GRK5: variants seen among roughly 807,000 people sequenced by gnomAD.
The protein encoded by GRK5 is G protein-coupled receptor kinase 5.
In GRK5, 40 loss-of-function variants were observed where a neutral mutation model predicts 78.4. The observed-to-expected ratio is 0.51, with a 90% CI of 0.40 to 0.66. The LOEUF is 0.66. Among genes scored for constraint, GRK5 ranks in the 30% least tolerant of loss-of-function variants. GRK5 has a pLI of 0.00. For missense variants in GRK5, 598 were observed against 759.9 expected, an observed-to-expected ratio of 0.79 and a Z score of 2.50; for synonymous variants, 289 against 296.8, an observed-to-expected ratio of 0.97 and a Z score of 0.27.
intron 1 of GRK5, among the ~76,000 whole-genome samples, chr10:119,312,935 AG>A (rs1850385562): frequency 6.6e-4 from 2 of 3,042 alleles, no homozygotes; most frequent in South Asian, 9.6e-3. Context: ...TGATGGTGGT[AG>A]TGATGGTGGT....
intron 2 of GRK5, chr10:119,330,468 A>AT (rs1850755654): frequency 6.6e-6 from 1 of 151,456 alleles, no homozygotes; most frequent in African/African-American, 2.4e-5. Context: ...CACCCTCATG[A>AT]CCAAATCACC....
chr10:119,430,931 C>A lies in GRK5; in HGVS notation c.598-456C>A, dbSNP rs1323102530. 1.3e-5 allele frequency among the ~76,000 whole-genome samples: 2 copies of A among 152,204 alleles called. No individual in the cohort carries two copies. The highest frequency in any genetic ancestry group is 2.4e-5 in the African/African-American group (1 of 41,448). On this transcript the variant is annotated intron_variant, in intron 7 of 15. Coordinates refer to ENST00000392870, the MANE Select transcript of GRK5 (RefSeq NM_005308.3). The surrounding 1 kb of genome is among the most constrained non-coding windows in gnomAD (Gnocchi z 4.5). ...GGTGACCCAGCCAAGGGCGCGCAGA[C>A]AATGTGAGGCAGAGCTAAGACTTAA...
At chr10:119,360,994 G>A (rs1327002830) in intron 2 of GRK5, among the ~76,000 whole-genome samples, 1 of 152,200 alleles carries the variant, frequency 6.6e-6, no homozygotes, top group African/African-American at 2.4e-5. Flanking sequence ...TGGGACAGCA[G>A]GTGCCTCTGG....
chr10:119,447,443 C>T (rs770521722), intron 12 of GRK5, among the ~76,000 whole-genome samples: 4 of 152,290 alleles, frequency 2.6e-5, no homozygotes, highest in African/African-American at 9.6e-5. Context: ...CCAGACTCAC[C>T]CTGCACGTCC....
rs566629639 is a variant in GRK5, at chr10:119,267,730, G to A, written c.53-58786G>A. ...GAGGCAGCTTAGGTGACCTCTGCAC[G>A]TGTTTTCAAAGCTGTGGTTTTGGTT... is the stretch of plus-strand genomic sequence containing the variant. On this transcript the variant is annotated intron_variant, in intron 1 of 15. Coordinates refer to ENST00000392870, the MANE Select transcript of GRK5 (RefSeq NM_005308.3). This position sits in a 1 kb window ranked among gnomAD's most constrained non-coding sequence, Gnocchi z 4.1. Among the ~76,000 whole-genome samples the A allele has an allele frequency of 1.1e-4, 17 of 152,326 alleles. No individual in the cohort carries two copies. The highest frequency in any genetic ancestry group is 3.8e-4 in the African/African-American group (16 of 41,568).
intron 1 of GRK5, among the ~76,000 whole-genome samples, chr10:119,297,813 G>C (rs1341982922): frequency 2.0e-5 from 3 of 152,192 alleles, no homozygotes; most frequent in African/African-American, 7.2e-5. Context: ...AACCTCTGTT[G>C]TTTATAAATT....
At chr10:119,368,270 G>A (rs1851483907) in intron 2 of GRK5, among the ~76,000 whole-genome samples, 1 of 152,240 alleles carries the variant, frequency 6.6e-6, no homozygotes, top group South Asian at 2.1e-4. Context: ...ATGAAAGCCA[G>A]GGCTCCTTGG....
In GRK5 at chr10:119,431,598, G is replaced by T; in HGVS notation, c.738+71G>T. The stretch of plus-strand genomic sequence containing the variant: ...CTGGGGCTTCCCTCCCTCCGGAAGG[G>T]CGTGGTCCTCTAATGCGGCCGGTCC... On this transcript the variant is annotated intron_variant, in intron 8 of 15. Transcript: ENST00000392870. The surrounding 1 kb of genome is among the most constrained non-coding windows in gnomAD (Gnocchi z 4.8). 1 of 1,554,662 alleles carries T rather than the reference G, an allele frequency of 6.4e-7. No homozygotes were observed. The highest frequency in any genetic ancestry group is 1.9e-5 in the Admixed American group (1 of 53,928).
At chr10:119,347,184 C>T (rs1851109381) in intron 2 of GRK5, among the ~76,000 whole-genome samples, 1 of 152,154 alleles carries the variant, frequency 6.6e-6, no homozygotes, top group Non-Finnish European at 1.5e-5. Flanking sequence ...TTGTCCTCAG[C>T]CAGGCCTTCA....
chr10:119,407,081 C>T (rs1275077051), intron 4 of GRK5, among the ~76,000 whole-genome samples: 1 of 151,924 alleles, frequency 6.6e-6, no homozygotes, highest in Non-Finnish European at 1.5e-5. Flanking sequence ...TCCCAGCGTG[C>T]AAACAGATAA....
intron 2 of GRK5, among the ~76,000 whole-genome samples, chr10:119,360,505 G>T (rs1306941127): frequency 6.6e-6 from 1 of 151,216 alleles, no homozygotes; most frequent in Admixed American, 6.6e-5. Flanking sequence ...AGAGGGAGGA[G>T]CCTTGTGAGT....
intron 3 of GRK5, among the ~76,000 whole-genome samples, chr10:119,393,013 C>G (rs1486607998): frequency 2.0e-5 from 3 of 152,216 alleles, no homozygotes; most frequent in African/African-American, 4.8e-5. Context: ...CAGGGTGGCC[C>G]CAGCCGTGTG....
chr10:119,416,730 A>G (rs916004602), intron 4 of GRK5, among the ~76,000 whole-genome samples: 2 of 152,060 alleles, frequency 1.3e-5, no homozygotes, highest in Non-Finnish European at 2.9e-5. Context: ...AGTAGCTGGG[A>G]CTACAGGCGC....
chr10:119,228,012 G>A (rs1320420186), intron 1 of GRK5, among the ~76,000 whole-genome samples: 1 of 152,114 alleles, frequency 6.6e-6, no homozygotes, highest in Non-Finnish European at 1.5e-5. Flanking sequence ...TTGTTCAGTA[G>A]ATGATGTTTA....
At chr10:119,317,121 A>C (rs1359358850) in intron 1 of GRK5, among the ~76,000 whole-genome samples, 4 of 152,184 alleles carry the variant, frequency 2.6e-5, no homozygotes. Flanking sequence ...GTTGGGGCCT[A>C]TGCAAAGACG....
At chr10:119,241,191 C>T (rs1849019539) in intron 1 of GRK5, among the ~76,000 whole-genome samples, 1 of 152,172 alleles carries the variant, frequency 6.6e-6, no homozygotes, top group South Asian at 2.1e-4. Context: ...GTGACGTGGG[C>T]AGGGTGCCGT....
At chr10:119,338,288 G>T (rs1433654594) in intron 2 of GRK5, among the ~76,000 whole-genome samples, 1 of 152,102 alleles carries the variant, frequency 6.6e-6, no homozygotes, top group African/African-American at 2.4e-5. Context: ...TGTTTTCCAG[G>T]CCATGTTGCA....
At chr10:119,368,045 C>T (rs1031032870) in intron 2 of GRK5, among the ~76,000 whole-genome samples, 14 of 152,246 alleles carry the variant, frequency 9.2e-5, no homozygotes, top group Admixed American at 7.8e-4. Flanking sequence ...CGTTTCCTGG[C>T]CCGGCCCTCC....
chr10:119,326,448 C>A, intron 1 of GRK5, 68 bp from the exon 2 acceptor site: 1 of 1,304,500 alleles, frequency 7.7e-7, no homozygotes. Context: ...GGCTGGTGGG[C>A]AGGCTCACTG....
Sources: allele counts gnomAD v4.1 joint callset (sites outside exome capture counted in the v4.1 genomes callset), GRCh38; gene constraint gnomAD v4.1.1; non-coding constraint Gnocchi (gnomAD v3.1); transcripts MANE v1.5; gene names NCBI Gene and HGNC (gene_info 2026-07-23, HGNC 2026-07-21).